Variants in ERBB4 observed in about 807,000 individuals in gnomAD.
ERBB4 encodes the protein erb-b2 receptor tyrosine kinase 4.
ERBB4 carries 42 observed loss-of-function variants against 158.0 expected under a neutral mutation model. The ratio of observed to expected loss-of-function variants is 0.27; its 90% confidence interval spans 0.21 to 0.34. The LOEUF (loss-of-function observed/expected upper bound fraction) is 0.34, where lower values mean the gene tolerates loss of function less well. Among genes scored for constraint, ERBB4 ranks in the 10% least tolerant of loss-of-function variants. ERBB4 has a pLI of 1.00. For missense variants in ERBB4, 1,333 were observed against 1,624.1 expected, an observed-to-expected ratio of 0.82 and a Z score of 3.08; for synonymous variants, 583 against 558.7, an observed-to-expected ratio of 1.04 and a Z score of -0.61.
At chr2:212,159,161 C>G (rs2081128092) in intron 1 of ERBB4, among the ~76,000 whole-genome samples, 1 of 151,752 alleles carries the variant, frequency 6.6e-6, no homozygotes, top group Non-Finnish European at 1.5e-5. Context: ...AACACATGGA[C>G]TTAGAAACAC....
intron 3 of ERBB4, among the ~76,000 whole-genome samples, chr2:211,814,763 T>G (rs2076842218): frequency 6.6e-6 from 1 of 152,196 alleles, no homozygotes; most frequent in Admixed American, 6.5e-5. Flanking sequence ...ATTATCTAAT[T>G]TAACAAATAA....
chr2:211,518,225 T>G (rs2066089310), intron 20 of ERBB4, among the ~76,000 whole-genome samples: 1 of 152,218 alleles, frequency 6.6e-6, no homozygotes, highest in African/African-American at 2.4e-5. Flanking sequence ...TTCACCAGAC[T>G]GATACAAAAA....
chr2:211,417,237 C>A (rs1465381648), intron 25 of ERBB4, among the ~76,000 whole-genome samples: 1 of 152,010 alleles, frequency 6.6e-6, no homozygotes, highest in Non-Finnish European at 1.5e-5. Flanking sequence ...CTTTGGGAGG[C>A]CACGGTGGGT....
chr2:212,390,548 T>C (rs901443609), intron 1 of ERBB4, among the ~76,000 whole-genome samples: 1 of 151,780 alleles, frequency 6.6e-6, no homozygotes, highest in Admixed American at 6.6e-5. Flanking sequence ...CAAATACCAC[T>C]AGTGACCTAG....
chr2:211,901,680 T>G (rs1453198099), intron 3 of ERBB4, among the ~76,000 whole-genome samples: 3 of 152,124 alleles, frequency 2.0e-5, no homozygotes, highest in Non-Finnish European at 4.4e-5. Context: ...ACGGGAGTGT[T>G]TATTACTATG....
intron 1 of ERBB4, among the ~76,000 whole-genome samples, chr2:212,527,177 A>G (rs552295310): frequency 6.6e-6 from 1 of 152,116 alleles, no homozygotes; most frequent in East Asian, 1.9e-4. Flanking sequence ...AAACCATCTT[A>G]AAAACATAAT....
At chr2:211,790,421 T>C (rs2076254915) in intron 3 of ERBB4, among the ~76,000 whole-genome samples, 1 of 152,080 alleles carries the variant, frequency 6.6e-6, no homozygotes. Flanking sequence ...AGGAACACAG[T>C]ATCCATCTCC....
At chr2:211,995,147 T>C (rs1020694185) in intron 2 of ERBB4, among the ~76,000 whole-genome samples, 3 of 152,212 alleles carry the variant, frequency 2.0e-5, no homozygotes, top group Non-Finnish European at 2.9e-5. Flanking sequence ...TTCTAGGCAC[T>C]TAATGTCAGA....
chr2:211,629,149 T>A (rs1256112027), intron 17 of ERBB4, among the ~76,000 whole-genome samples: 1 of 152,134 alleles, frequency 6.6e-6, no homozygotes, highest in Non-Finnish European at 1.5e-5. Flanking sequence ...GAAAACCCAA[T>A]CATATCAGCC....
chr2:211,742,594 TG>T (rs1332356279), intron 5 of ERBB4, among the ~76,000 whole-genome samples: 3 of 117,708 alleles, frequency 2.5e-5, no homozygotes, highest in African/African-American at 8.8e-5. Context: ...GCTAAGGTTT[TG>T]TTTTTTTCCC....
intron 2 of ERBB4, among the ~76,000 whole-genome samples, chr2:212,010,525 G>A (rs1195475972): frequency 6.6e-6 from 1 of 152,102 alleles, no homozygotes; most frequent in Non-Finnish European, 1.5e-5. Flanking sequence ...ATGCTTCTGA[G>A]GGAACAGGAC....
intron 1 of ERBB4, among the ~76,000 whole-genome samples, chr2:212,535,459 T>C (rs1436601622): frequency 6.6e-6 from 1 of 152,184 alleles, no homozygotes; most frequent in East Asian, 1.9e-4. Flanking sequence ...ACGAAAGCTA[T>C]ATGTACTTTT....
chr2:212,374,670 A>G (rs2090260188), intron 1 of ERBB4, among the ~76,000 whole-genome samples: 2 of 152,034 alleles, frequency 1.3e-5, no homozygotes, highest in Non-Finnish European at 2.9e-5. Flanking sequence ...GCCATAAGAC[A>G]AGTGAGATAA....
Position 211,658,021 on chromosome 2 carries a change from T to A in ERBB4, c.1872-193A>T. The A allele has an allele frequency of 1.9e-6, 3 of 1,563,928 alleles. No homozygotes were observed. The South Asian group carries it at 3.4e-5, about 17-fold the overall frequency. On this transcript the variant is annotated intron_variant, in intron 15 of 27. Coordinates refer to ENST00000342788, the MANE Select transcript of ERBB4 (RefSeq NM_005235.3). ...TGCAGAAAATGCAAATTTAAAAAAA[T>A]ACAAGGGGAAAAAATTAGTCATTTA... is the stretch of plus-strand genomic sequence containing the variant.
chr2:212,196,849 G>C (rs1239002058), intron 1 of ERBB4, among the ~76,000 whole-genome samples: 1 of 152,040 alleles, frequency 6.6e-6, no homozygotes, highest in Non-Finnish European at 1.5e-5. Flanking sequence ...TGATATACAG[G>C]AAATTCTTGG....
At chr2:212,122,260 T>C (rs916917137) in intron 2 of ERBB4, among the ~76,000 whole-genome samples, 2 of 151,970 alleles carry the variant, frequency 1.3e-5, no homozygotes, top group African/African-American at 2.4e-5. Context: ...GGACAATAAA[T>C]GTCATTGTTT....
intron 1 of ERBB4, among the ~76,000 whole-genome samples, chr2:212,329,050 G>C (rs1347027988): frequency 6.6e-6 from 1 of 151,960 alleles, no homozygotes; most frequent in Non-Finnish European, 1.5e-5. Context: ...GAGCATGTGA[G>C]AGAAACACAT....
intron 1 of ERBB4, among the ~76,000 whole-genome samples, chr2:212,470,037 T>C (rs1689037958): frequency 6.6e-6 from 1 of 152,174 alleles, no homozygotes; most frequent in Non-Finnish European, 1.5e-5. Context: ...AAAATTCTAT[T>C]GTACATACAG....
chr2:211,484,394 G>A (rs1480005682), intron 20 of ERBB4, among the ~76,000 whole-genome samples: 1 of 151,938 alleles, frequency 6.6e-6, no homozygotes, highest in South Asian at 2.1e-4. Context: ...CACATTAAAT[G>A]GTCTAAACAC....
Sources: allele counts gnomAD v4.1 joint callset (sites outside exome capture counted in the v4.1 genomes callset), GRCh38; gene constraint gnomAD v4.1.1; transcripts MANE v1.5; gene names NCBI Gene and HGNC (gene_info 2026-07-23, HGNC 2026-07-21).